Variants in CNTN5 observed in about 807,000 individuals in gnomAD.
CNTN5 encodes contactin-5.
In CNTN5, 77 loss-of-function variants were observed where a neutral mutation model predicts 129.1. That is an observed-to-expected ratio of 0.60 (90% CI 0.50 to 0.72). The LOEUF (loss-of-function observed/expected upper bound fraction) is 0.72. CNTN5 is among the 30% of genes least tolerant of loss of function. The pLI, the probability that CNTN5 is intolerant of heterozygous loss-of-function variation, is 0.00. For missense variants in CNTN5, 1,478 were observed against 1,328.8 expected, an observed-to-expected ratio of 1.11 and a Z score of -1.75; for synonymous variants, 509 against 465.6, an observed-to-expected ratio of 1.09 and a Z score of -1.20.
At chr11:99,908,435 A>T (rs1041557452) in intron 6 of CNTN5, among the ~76,000 whole-genome samples, 3 of 152,024 alleles carry the variant, frequency 2.0e-5, no homozygotes, top group African/African-American at 7.2e-5. Context: ...TGTTGTATTT[A>T]TCCTTTCACA....
At chr11:100,036,620 T>C (rs1266155169) in intron 9 of CNTN5, among the ~76,000 whole-genome samples, 1 of 149,904 alleles carries the variant, frequency 6.7e-6, no homozygotes, top group Admixed American at 6.7e-5. Flanking sequence ...TTCTTCCATT[T>C]GTTTGTATCC....
chr11:100,070,665 A>C (rs1338863410), intron 11 of CNTN5, 105 bp downstream of exon 11: 4 of 974,146 alleles, frequency 4.1e-6, no homozygotes, highest in Admixed American at 4.5e-5. Flanking sequence ...CCTGTTTCTG[A>C]TTCGTATAAT....
At chr11:99,469,317 A>G (rs1383759188) in intron 2 of CNTN5, among the ~76,000 whole-genome samples, 2 of 152,166 alleles carry the variant, frequency 1.3e-5, no homozygotes, top group African/African-American at 2.4e-5. Flanking sequence ...TCATCCATTC[A>G]TGGTATAAAC....
intron 8 of CNTN5, among the ~76,000 whole-genome samples, chr11:99,972,361 C>T (rs1393506768): frequency 1.3e-5 from 2 of 152,098 alleles, no homozygotes; most frequent in African/African-American, 4.8e-5. Flanking sequence ...AGAAAGCAGC[C>T]TTTTTTCACT....
At chr11:99,709,640 T>C (rs1027993753) in intron 3 of CNTN5, among the ~76,000 whole-genome samples, 2 of 151,902 alleles carry the variant, frequency 1.3e-5, no homozygotes, top group Admixed American at 6.6e-5. Context: ...TCCATCAAAC[T>C]AGAACAATTG....
chr11:100,227,091 A>G (rs1245185166), intron 16 of CNTN5, among the ~76,000 whole-genome samples: 1 of 152,158 alleles, frequency 6.6e-6, no homozygotes, highest in Non-Finnish European at 1.5e-5. Context: ...TTAGTAGAAT[A>G]CTAAAAGTAG....
At chr11:99,095,164 T>G (rs1866417701) in intron 1 of CNTN5, among the ~76,000 whole-genome samples, 1 of 151,764 alleles carries the variant, frequency 6.6e-6, no homozygotes. Context: ...ATTTAAGAGG[T>G]CACACCTAAA....
At chr11:99,253,897 T>TTATATATATATATATATATATATA (rs67720359) in intron 1 of CNTN5, among the ~76,000 whole-genome samples, 34 of 139,036 alleles carry the variant, frequency 2.4e-4, no homozygotes, top group African/African-American at 8.5e-4. Context: ...AAATATACGT[T>TTATATATATATATATATATATATA]TATATATATA....
chr11:99,615,830 C>T (rs1157116011), intron 3 of CNTN5, among the ~76,000 whole-genome samples: 1 of 151,494 alleles, frequency 6.6e-6, no homozygotes, highest in Admixed American at 6.6e-5. Flanking sequence ...GGCATGATCT[C>T]AGCTCACTGA....
chr11:99,308,348 T>C (rs1864959775), intron 1 of CNTN5, among the ~76,000 whole-genome samples: 1 of 152,168 alleles, frequency 6.6e-6, no homozygotes. Flanking sequence ...ATAGGTATAG[T>C]ACAAGTGCCT....
intron 2 of CNTN5, among the ~76,000 whole-genome samples, chr11:99,532,388 T>A (rs563369787): frequency 4.6e-5 from 7 of 152,298 alleles, no homozygotes; most frequent in African/African-American, 1.7e-4. Flanking sequence ...GGGACTTGCC[T>A]TGTCTCAGAT....
chr11:99,911,942 T>C (rs1949672455), intron 6 of CNTN5, among the ~76,000 whole-genome samples: 1 of 152,006 alleles, frequency 6.6e-6, no homozygotes, highest in African/African-American at 2.4e-5. Flanking sequence ...CAACAATATA[T>C]AGTGTATATT....
At chr11:99,999,072 A>T (rs6590500) in intron 8 of CNTN5, among the ~76,000 whole-genome samples, 107,048 of 151,352 alleles carry the variant, frequency 0.71, 38,298 homozygotes, top group African/African-American at 0.81. Context: ...AACCTAGGCA[A>T]TACCATTCAG....
At chr11:99,449,746 T>A (rs925138257) in intron 2 of CNTN5, among the ~76,000 whole-genome samples, 5 of 152,134 alleles carry the variant, frequency 3.3e-5, no homozygotes, top group African/African-American at 1.2e-4. Context: ...CCCACCAGGT[T>A]TTCTCTTGTG....
At chr11:99,912,891 G>A (rs1949698182) in intron 6 of CNTN5, among the ~76,000 whole-genome samples, 1 of 151,882 alleles carries the variant, frequency 6.6e-6, no homozygotes, top group Non-Finnish European at 1.5e-5. Flanking sequence ...ATTTCAGTGT[G>A]TAATTTGAAC....
At chr11:99,055,838 G>T (rs1299771197) in intron 1 of CNTN5, among the ~76,000 whole-genome samples, 4 of 151,908 alleles carry the variant, frequency 2.6e-5, no homozygotes, top group Non-Finnish European at 4.4e-5. Flanking sequence ...CTCACTGTTG[G>T]TTCTGAATGC....
chr11:99,547,611 A>C lies in CNTN5; in HGVS notation c.-70-8534A>C, dbSNP rs565791220. ...TTCCAGCAGTTACCCTAGAAAATTT[A>C]ACATAGATATTTTACAAAAATCTAA... is the stretch of plus-strand genomic sequence containing the variant. On this transcript the variant is annotated intron_variant, in intron 2 of 24. Transcript: ENST00000524871. Among the ~76,000 whole-genome samples, 31 of 152,368 alleles carry C rather than the reference A, an allele frequency of 2.0e-4. No homozygotes were observed. The South Asian group carries it at 5.8e-3, about 29-fold the overall frequency.
chr11:99,075,025 A>T (rs1865505363), intron 1 of CNTN5, among the ~76,000 whole-genome samples: 1 of 152,216 alleles, frequency 6.6e-6, no homozygotes, highest in African/African-American at 2.4e-5. Flanking sequence ...CTCTGTATAT[A>T]TGTTCAAGAG....
At chr11:99,292,833 A>G (rs1864226915) in intron 1 of CNTN5, among the ~76,000 whole-genome samples, 1 of 150,452 alleles carries the variant, frequency 6.6e-6, no homozygotes, top group African/African-American at 2.4e-5. Flanking sequence ...AAAGTATAGG[A>G]CTCCTTTGAT....
Sources: allele counts gnomAD v4.1 joint callset (sites outside exome capture counted in the v4.1 genomes callset), GRCh38; gene constraint gnomAD v4.1.1; transcripts MANE v1.5; gene names NCBI Gene and HGNC (gene_info 2026-07-23, HGNC 2026-07-21).